Variants in SLF2 observed in about 807,000 individuals in gnomAD.
SLF2 encodes SMC5/6 complex localization factor 2, also known as SMC5-SMC6 complex localization factor protein 2.
Under a neutral mutation model 124.3 loss-of-function variants are expected in SLF2, and 68 were observed. That is an observed-to-expected ratio of 0.55 (90% confidence interval 0.45 to 0.67). The LOEUF (loss-of-function observed/expected upper bound fraction) is 0.67. Among genes scored for constraint, SLF2 ranks in the 30% least tolerant of loss-of-function variants. The pLI is 0.00. For synonymous variants in SLF2, 480 were observed against 478.8 expected, an observed-to-expected ratio of 1.00 and a Z score of -0.03; for missense variants, 1,246 against 1,373.7, an observed-to-expected ratio of 0.91 and a Z score of 1.47.
At chr10:100,937,039 AC>A (rs1374392444) in intron 9 of SLF2, among the ~76,000 whole-genome samples, 2 of 152,190 alleles carry the variant, frequency 1.3e-5, no homozygotes, top group Non-Finnish European at 2.9e-5. Context: ...TATTAAATGC[AC>A]ATAAAATGCC....
chr10:100,962,138 CAG>C lies in SLF2; in HGVS notation c.*229_*230del, dbSNP rs1366397573. 9.9e-6 allele frequency: 4 copies of C among 404,700 alleles called. No homozygotes were observed. Among genetic ancestry groups the C allele is most frequent in the East Asian group, 7.2e-5 (2 of 27,694 alleles). 25.1% of individuals were successfully genotyped at this position (404,700 alleles called of 1,614,324 possible). On this transcript the variant is annotated 3_prime_UTR_variant, in exon 20 of 20. Transcript: ENST00000238961. ...TAAGGCAACTGACCTTTCAAAAGTG[CAG>C]AGTCTTATTAAAAGAGGGGAGGGGT...
rs1414692552 is a variant in SLF2 at position 100,945,362 on chromosome 10, A to G, written c.2790A>G (p.Glu930=). ...FLGLCTSIHP[E]GYQDREIMLL... ...GCTTGTGTACATCTATACATCCAGA[A>G]GGTTACCAGGATCGTGAAATAATGT... Residue 930 remains glutamate, a synonymous_variant, in exon 13 of 20, where the codon GAA becomes GAG. Transcript: ENST00000238961. 8 of 1,599,476 alleles carry G rather than the reference A, an allele frequency of 5.0e-6. No individual in the cohort carries two copies. Among genetic ancestry groups the G allele is most frequent in the Non-Finnish European group, 6.8e-6 (8 of 1,176,736 alleles).
At chr10:100,934,436 GTAACA>G in intron 9 of SLF2, among the ~76,000 whole-genome samples, 1 of 152,202 alleles carries the variant, frequency 6.6e-6, no homozygotes, top group Admixed American at 6.5e-5. Context: ...TGTCCTATGT[GTAACA>G]TGTCTGTGAA....
chr10:100,922,851 G>A (rs1250022905), intron 4 of SLF2, among the ~76,000 whole-genome samples: 1 of 150,628 alleles, frequency 6.6e-6, no homozygotes, highest in African/African-American at 2.4e-5. Context: ...TCTTGGCTCA[G>A]TGCAACCACC....
intron 9 of SLF2, among the ~76,000 whole-genome samples, chr10:100,932,971 G>A (rs1449374110): frequency 6.6e-6 from 1 of 152,024 alleles, no homozygotes; most frequent in Non-Finnish European, 1.5e-5. Context: ...TCCAGATAAG[G>A]TCTGTCTTAC....
At position 100,913,679 on chromosome 10, in the gene SLF2, C is replaced by A. The variant is rs1264632483; in HGVS notation, c.140+429C>A. On this transcript the variant is annotated intron_variant, in intron 1 of 19. Coordinates refer to ENST00000238961, the MANE Select transcript of SLF2 (RefSeq NM_018121.4). ...GTAACCTGTGATGAGGGAATCCCTT[C>A]CACGAATTACTTTGTAGTCCAGCGT... 5.0e-6 allele frequency: 5 copies of A among 1,006,296 alleles called. No homozygotes were observed. The African/African-American group carries it at 8.6e-5, about 17-fold the overall frequency. 62.3% of individuals were successfully genotyped at this position (1,006,296 alleles called of 1,614,324 possible).
chr10:100,920,481 AC>A (rs1047929934), intron 4 of SLF2, among the ~76,000 whole-genome samples: 17 of 152,172 alleles, frequency 1.1e-4, no homozygotes, highest in African/African-American at 4.1e-4. Context: ...TATTTTTATT[AC>A]CAATATTTTT....
chr10:100,917,094 C>A lies in SLF2; in HGVS notation c.709C>A (p.Gln237Lys). 1.9e-6 allele frequency: 3 copies of A among 1,614,150 alleles called. No homozygotes were observed. Among genetic ancestry groups the A allele is most frequent in the Non-Finnish European group, 2.5e-6 (3 of 1,180,026 alleles). Residue 237 changes from glutamine to lysine, a missense_variant, in exon 3 of 20, where the codon CAG becomes AAG. By Grantham distance (53) the Gln-to-Lys change is moderately conservative. Coordinates refer to ENST00000238961, the MANE Select transcript of SLF2 (RefSeq NM_018121.4). The part of the protein sequence containing the change: ...PEESPLGAKF[Q>K]LSLASYCRER... ...AGAAAGCCCACTGGGAGCTAAATTC[C>A]AGTTGTCACTAGCTTCTTACTGCAG...
In SLF2 at chr10:100,962,791, G is replaced by A. The variant is rs1850447132; in HGVS notation, c.*879G>A. ...GTTTCCAACAACCTTGTTTCCATGA[G>A]TATATAATTTTGGCAGACACCTGAA... On this transcript the variant is annotated 3_prime_UTR_variant, in exon 20 of 20. Coordinates refer to ENST00000238961, the MANE Select transcript of SLF2 (RefSeq NM_018121.4). 1 of 152,458 alleles carries A rather than the reference G, an allele frequency of 6.6e-6. No homozygotes were observed. Among genetic ancestry groups the A allele is most frequent in the Non-Finnish European group, 1.5e-5 (1 of 68,030 alleles). 9.4% of individuals were successfully genotyped at this position (152,458 alleles called of 1,614,324 possible).
chr10:100,920,370 T>G (rs987947619), intron 4 of SLF2, among the ~76,000 whole-genome samples: 1 of 152,246 alleles, frequency 6.6e-6, no homozygotes, highest in Non-Finnish European at 1.5e-5. Flanking sequence ...TAAAGTAGTT[T>G]CATTTATATA....
rs759984834 is a variant in SLF2, at chr10:100,930,036, A to G, written c.2333+39A>G. 7.5e-6 allele frequency: 10 copies of G among 1,339,628 alleles called. No homozygotes were observed. In the African/African-American group the frequency reaches 1.5e-4, roughly 20 times the overall value. 83.0% of individuals were successfully genotyped at this position (1,339,628 alleles called of 1,614,324 possible). A position where few individuals can be genotyped will look rare whatever the true frequency, so the allele number is the denominator to read the frequency against. Reference sequence around the variant, plus strand: ...TAGACATTTTACTTTTATATGTATAAAAAATTACTCTAAAACACTTCTGAC... The same window carrying G: ...TAGACATTTTACTTTTATATGTATAGAAAATTACTCTAAAACACTTCTGAC... On this transcript the variant is annotated intron_variant, in intron 8 of 19. Transcript: ENST00000238961.
At chr10:100,929,762 C>A in intron 7 of SLF2, 68 bp from the exon 8 acceptor site, 2 of 1,240,084 alleles carry the variant, frequency 1.6e-6, no homozygotes, top group South Asian at 1.5e-5. Context: ...TCTTTGCACC[C>A]AGCTTTTAAA....
intron 14 of SLF2, among the ~76,000 whole-genome samples, chr10:100,947,498 GGTTTTCT>G (rs974880292): frequency 1.3e-5 from 2 of 151,708 alleles, no homozygotes; most frequent in African/African-American, 4.8e-5. Context: ...TAAAAAAATA[GGTTTTCT>G]GTCAGTAAAT....
At position 100,916,451 on chromosome 10, in the gene SLF2, T is replaced by G. The variant is rs1255839868; in HGVS notation, c.185-119T>G. On this transcript the variant is annotated intron_variant, in intron 2 of 19. Transcript: ENST00000238961. ...TGTATCATTATCCAAGTTGTTGGTT[T>G]GAAAATTTTTGTGGTAACATTAGTA... 9.5e-6 allele frequency: 8 copies of G among 840,312 alleles called. No homozygotes were observed. In the African/African-American group the frequency reaches 1.4e-4, roughly 15 times the overall value. The allele number at this position is 840,312 out of a possible 1,614,324, so 52.1% of individuals were successfully genotyped here.
intron 3 of SLF2, among the ~76,000 whole-genome samples, chr10:100,917,815 G>A (rs946984931): frequency 6.6e-5 from 10 of 152,088 alleles, no homozygotes; most frequent in African/African-American, 2.2e-4. Flanking sequence ...GGCCTCAAGC[G>A]ATCCTCCTGC....
intron 8 of SLF2, 94 bp downstream of exon 8, chr10:100,930,091 A>G: frequency 1.3e-6 from 1 of 747,630 alleles, no homozygotes; most frequent in Non-Finnish European, 2.0e-6. Context: ...GTTAATTTCT[A>G]TTATGACCTA....
chr10:100,935,380 G>A (rs1006866940), intron 9 of SLF2, among the ~76,000 whole-genome samples: 10 of 151,534 alleles, frequency 6.6e-5, no homozygotes, highest in African/African-American at 2.4e-4. Flanking sequence ...GGGTGACAGT[G>A]CGAGATTCTG....
intron 11 of SLF2, among the ~76,000 whole-genome samples, chr10:100,940,078 T>C (rs1371580300): frequency 6.6e-6 from 1 of 152,258 alleles, no homozygotes; most frequent in African/African-American, 2.4e-5. Context: ...CACAAGTTTC[T>C]GCATAATATA....
intron 19 of SLF2, chr10:100,959,739 G>T (rs912493496): frequency 3.3e-6 from 2 of 599,936 alleles, no homozygotes; most frequent in African/African-American, 1.9e-5. Flanking sequence ...TCAAATGGAG[G>T]TTATTCAATT....
Sources: gnomAD v4.1 joint callset for allele counts (sites outside exome capture counted in the v4.1 genomes callset) on GRCh38, gnomAD v4.1.1 for gene constraint, MANE v1.5 for transcripts, NCBI Gene and HGNC (gene_info 2026-07-23, HGNC 2026-07-21) for gene names.